HSF2BP: variants seen among roughly 807,000 people sequenced by gnomAD.
The protein encoded by HSF2BP is heat shock transcription factor 2 binding protein, also known as heat shock factor 2-binding protein.
HSF2BP carries 35 observed loss-of-function variants against 35.0 expected under a neutral mutation model. The ratio of observed to expected loss-of-function variants is 1.00; its 90% CI spans 0.76 to 1.32. The LOEUF (loss-of-function observed/expected upper bound fraction) is 1.32. Ranked by LOEUF, HSF2BP falls within the 40% of genes most tolerant of loss-of-function variation. HSF2BP has a pLI of 0.00. For missense variants in HSF2BP, 326 were observed against 321.7 expected, an observed-to-expected ratio of 1.01 and a Z score of -0.10; for synonymous variants, 114 against 117.4, an observed-to-expected ratio of 0.97 and a Z score of 0.18.
At chr21:43,592,371 C>A in intron 7 of HSF2BP, 43 bp from the exon 8 acceptor site, 1 of 1,285,570 alleles carries the variant, frequency 7.8e-7, no homozygotes, top group Non-Finnish European at 1.1e-6. Flanking sequence ...TCCATCCACA[C>A]TACATTTCAC....
rs150409085 is a variant in HSF2BP at position 43,598,465 on chromosome 21, A to C, written c.693-6137T>G. ...TCAAACTCCTGACCTCAGGTGACCC[A>C]CCTGCCTTGGCTTCCCAAAGTGCTG... On this transcript the variant is annotated intron_variant, in intron 7 of 8. Transcript: ENST00000291560. Among the ~76,000 whole-genome samples the C allele has an allele frequency of 5.0e-3, 750 of 149,644 alleles. 10 individuals are homozygous for C. The highest frequency in any genetic ancestry group is 0.018 in the African/African-American group (716 of 40,644).
chr21:43,639,000 T>C (rs1256887425), intron 4 of HSF2BP, among the ~76,000 whole-genome samples: 2 of 152,292 alleles, frequency 1.3e-5, no homozygotes, highest in East Asian at 3.9e-4. Context: ...CCCAGGCCAG[T>C]ATGACTGAAT....
intron 7 of HSF2BP, among the ~76,000 whole-genome samples, chr21:43,611,783 C>A (rs1173365814): frequency 1.3e-5 from 2 of 152,234 alleles, no homozygotes; most frequent in Non-Finnish European, 2.9e-5. Context: ...GGGATGAGGG[C>A]AGAGTTGCAG....
intron 3 of HSF2BP, among the ~76,000 whole-genome samples, chr21:43,653,245 G>C (rs1287813478): frequency 7.8e-6 from 1 of 127,558 alleles, no homozygotes; most frequent in Admixed American, 8.0e-5. Flanking sequence ...AAGGGAAGGG[G>C]AGGGGAGGGG....
At chr21:43,640,636 T>C (rs2082623398) in intron 4 of HSF2BP, among the ~76,000 whole-genome samples, 2 of 152,260 alleles carry the variant, frequency 1.3e-5, no homozygotes, top group Admixed American at 6.5e-5. Flanking sequence ...TCCAATTTCC[T>C]GGTTTTTATC....
chr21:43,619,896 G>A (rs977777650), intron 6 of HSF2BP, among the ~76,000 whole-genome samples: 2 of 152,234 alleles, frequency 1.3e-5, no homozygotes, highest in African/African-American at 4.8e-5. Context: ...ATGTCCCACA[G>A]GTCCCCTGGG....
chr21:43,594,919 C>CA (rs1231963479), intron 7 of HSF2BP, among the ~76,000 whole-genome samples: 1 of 152,080 alleles, frequency 6.6e-6, no homozygotes, highest in Non-Finnish European at 1.5e-5. Flanking sequence ...AAAGGAAAAA[C>CA]AAAATGCAAC....
intron 6 of HSF2BP, among the ~76,000 whole-genome samples, chr21:43,614,724 T>C (rs1484179960): frequency 1.3e-5 from 2 of 152,208 alleles, no homozygotes; most frequent in Non-Finnish European, 2.9e-5. Flanking sequence ...TCACAGAGCA[T>C]TGCAGATTTC....
At chr21:43,588,789 A>G (rs761474019) in intron 8 of HSF2BP, among the ~76,000 whole-genome samples, 7 of 152,128 alleles carry the variant, frequency 4.6e-5, no homozygotes, top group Non-Finnish European at 8.8e-5. Context: ...TAGTTACCTT[A>G]CAGGTCAGGT....
At chr21:43,577,335 G>A (rs995610120) in intron 8 of HSF2BP, among the ~76,000 whole-genome samples, 8 of 152,188 alleles carry the variant, frequency 5.3e-5, no homozygotes, top group Admixed American at 1.3e-4. Flanking sequence ...CTTAGTGACT[G>A]TATTACTACA....
At chr21:43,657,686 C>T (rs552385888) in intron 2 of HSF2BP, among the ~76,000 whole-genome samples, 1 of 152,266 alleles carries the variant, frequency 6.6e-6, no homozygotes, top group Admixed American at 6.5e-5. Flanking sequence ...CGATGGAGGG[C>T]AGATTCTCTC....
chr21:43,633,996 A>T (rs2082519142), intron 4 of HSF2BP, among the ~76,000 whole-genome samples: 1 of 152,228 alleles, frequency 6.6e-6, no homozygotes, highest in Non-Finnish European at 1.5e-5. Context: ...TAAATATAAA[A>T]TACAATCTGT....
chr21:43,658,205 G>A lies in HSF2BP; in HGVS notation c.-109C>T, dbSNP rs1027696416. Reference sequence around the variant, plus strand: ...CGCCGGGGGTCGGGAACGGAGAGCCGCCAGGCCCAAACCTCCCAGAATTTG... The same window carrying A: ...CGCCGGGGGTCGGGAACGGAGAGCCACCAGGCCCAAACCTCCCAGAATTTG... On this transcript the variant is annotated 5_prime_UTR_variant, in exon 2 of 9. Coordinates refer to ENST00000291560, the MANE Select transcript of HSF2BP (RefSeq NM_007031.2). 7.7e-6 allele frequency: 10 copies of A among 1,293,014 alleles called. No individual in the cohort carries two copies. The highest frequency in any genetic ancestry group is 7.7e-5 in the African/African-American group (5 of 65,266). The allele number at this position is 1,293,014 out of a possible 1,614,324, so 80.1% of individuals were successfully genotyped here.
rs768520446 is a variant in HSF2BP, at chr21:43,619,784, A to G, written c.575-5837T>C. Among the ~76,000 whole-genome samples the G allele has an allele frequency of 5.9e-5, 9 of 152,248 alleles. No individual in the cohort carries two copies. In the South Asian group the frequency reaches 6.2e-4, roughly 10 times the overall value. On this transcript the variant is annotated intron_variant, in intron 6 of 8. Transcript: ENST00000291560. ...AGGATAGCCAGAGGCAAAGTGGGGA[A>G]GCAGAACTACTATTCCCAGCCCTGG...
At chr21:43,605,830 C>A (rs1327078033) in intron 7 of HSF2BP, among the ~76,000 whole-genome samples, 1 of 151,644 alleles carries the variant, frequency 6.6e-6, no homozygotes, top group African/African-American at 2.4e-5. Flanking sequence ...ACACCATACA[C>A]CCCAAAAAAT....
In HSF2BP at chr21:43,585,750, G is replaced by A. The variant is rs75458288; in HGVS notation, c.796+6475C>T. Among the ~76,000 whole-genome samples the A allele has an allele frequency of 4.1e-3, 623 of 152,292 alleles. 10 individuals are homozygous for A. Among genetic ancestry groups the A allele is most frequent in the African/African-American group, 0.014 (588 of 41,552 alleles). On this transcript the variant is annotated intron_variant, in intron 8 of 8. Coordinates refer to ENST00000291560, the MANE Select transcript of HSF2BP (RefSeq NM_007031.2). Reference sequence around the variant, plus strand: ...ATTTCCTAACAGACTGAATGAGGGCGTAAGAGATTAAAAGGAGTCAAGGAG... The same window carrying A: ...ATTTCCTAACAGACTGAATGAGGGCATAAGAGATTAAAAGGAGTCAAGGAG...
At chr21:43,641,289 G>A (rs1410069203) in intron 4 of HSF2BP, among the ~76,000 whole-genome samples, 1 of 152,004 alleles carries the variant, frequency 6.6e-6, no homozygotes. Context: ...GTGAGCCACC[G>A]CGCCCGGCCA....
intron 7 of HSF2BP, among the ~76,000 whole-genome samples, chr21:43,605,739 C>T (rs1365174817): frequency 6.2e-5 from 6 of 96,436 alleles, no homozygotes; most frequent in African/African-American, 1.7e-4. Context: ...ATGACACCCA[C>T]CTCCCCCCAA....
chr21:43,659,329 A>C lies in HSF2BP; in HGVS notation c.-225+57T>G. The C allele has an allele frequency of 6.3e-6, 1 of 157,696 alleles. No homozygotes were observed. Among genetic ancestry groups the C allele is most frequent in the Middle Eastern group, 3.0e-3 (1 of 330 alleles). The allele number at this position is 157,696 out of a possible 1,614,324, so 9.8% of individuals were successfully genotyped here. ...GTCTCAAAAACAAACAAAAAATCCT[A>C]GACCGTTTACAAACAGCCTTCCGTC... On this transcript the variant is annotated intron_variant, in intron 1 of 8. Coordinates refer to ENST00000291560, the MANE Select transcript of HSF2BP (RefSeq NM_007031.2). The surrounding 1 kb of genome is among the most constrained non-coding windows in gnomAD (Gnocchi z 4.2).
Sources: gnomAD v4.1 joint callset for allele counts (sites outside exome capture counted in the v4.1 genomes callset) on GRCh38, gnomAD v4.1.1 for gene constraint, Gnocchi (gnomAD v3.1) non-coding constraint, MANE v1.5 for transcripts, NCBI Gene and HGNC (gene_info 2026-07-23, HGNC 2026-07-21) for gene names.